Variants in EIF4G3 observed in about 807,000 individuals in gnomAD.
The protein encoded by EIF4G3 is eIF-4-gamma 3.
A neutral mutation model predicts 186.4 loss-of-function variants in EIF4G3; 34 were observed. That is an observed-to-expected ratio of 0.18 (90% CI 0.14 to 0.24). The LOEUF (loss-of-function observed/expected upper bound fraction) is 0.24. Ranked by LOEUF, EIF4G3 falls within the 10% of genes least tolerant of loss-of-function variation. EIF4G3 has a pLI of 1.00. For missense variants in EIF4G3, 1,536 were observed against 1,948.5 expected, an observed-to-expected ratio of 0.79 and a Z score of 3.99; for synonymous variants, 673 against 679.5, an observed-to-expected ratio of 0.99 and a Z score of 0.15.
chr1:20,837,302 T>C (rs1189648551), intron 30 of EIF4G3, among the ~76,000 whole-genome samples: 1 of 152,046 alleles, frequency 6.6e-6, no homozygotes, highest in Non-Finnish European at 1.5e-5. Context: ...GACTCCCTGG[T>C]TCAAGCAATT....
chr1:21,164,689 G>A (rs543475065), intron 2 of EIF4G3, among the ~76,000 whole-genome samples: 19 of 152,140 alleles, frequency 1.2e-4, no homozygotes, highest in Admixed American at 6.5e-4. Flanking sequence ...GTGAAATCCC[G>A]TCTCTACAAA....
intron 12 of EIF4G3, among the ~76,000 whole-genome samples, chr1:20,958,248 G>T (rs1425330919): frequency 6.6e-6 from 1 of 152,112 alleles, no homozygotes; most frequent in Non-Finnish European, 1.5e-5. Context: ...TTTAACATAT[G>T]TAAGTCAATA....
chr1:20,880,101 CA>C (rs914665529), intron 19 of EIF4G3, among the ~76,000 whole-genome samples: 2 of 151,020 alleles, frequency 1.3e-5, no homozygotes, highest in African/African-American at 4.9e-5. Context: ...AGGTGAAAGG[CA>C]AAATGATTTT....
intron 30 of EIF4G3, among the ~76,000 whole-genome samples, chr1:20,834,857 G>C (rs1307264296): frequency 6.6e-6 from 1 of 152,152 alleles, no homozygotes; most frequent in Non-Finnish European, 1.5e-5. Flanking sequence ...GAAACATTGG[G>C]CTTGAATTAT....
rs745713673 is a variant in EIF4G3, at chr1:21,082,287, C to T, written c.-196+6851G>A. Among the ~76,000 whole-genome samples the T allele has an allele frequency of 5.9e-5, 9 of 151,428 alleles. No individual in the cohort carries two copies. The South Asian group carries it at 1.9e-3, about 32-fold the overall frequency. ...GACATATGGACACCATATGCTAAGG[C>T]AGTAGGAGGTGAACTGAGGGTTAAC... On this transcript the variant is annotated intron_variant, in intron 3 of 36. Coordinates refer to ENST00000602326, the MANE Select transcript of EIF4G3 (RefSeq NM_001391906.1).
At chr1:21,081,325 C>T (rs922323753) in intron 3 of EIF4G3, among the ~76,000 whole-genome samples, 6 of 152,138 alleles carry the variant, frequency 3.9e-5, no homozygotes, top group Admixed American at 1.3e-4. Context: ...CCCAGCTACT[C>T]GGGAAGCTGA....
chr1:21,014,031 A>G (rs2088041936), intron 4 of EIF4G3, among the ~76,000 whole-genome samples: 1 of 152,106 alleles, frequency 6.6e-6, no homozygotes, highest in Non-Finnish European at 1.5e-5. Flanking sequence ...TTAGCTGGGC[A>G]TGGTGGTGGG....
At position 20,880,283 on chromosome 1, in the gene EIF4G3, A is replaced by G. The variant is rs189568526; in HGVS notation, c.2425-763T>C. On this transcript the variant is annotated intron_variant, in intron 19 of 36. Coordinates refer to ENST00000602326, the MANE Select transcript of EIF4G3 (RefSeq NM_001391906.1). ...GCAGAGAAGATATAATTGTCTACAT[A>G]GACAATCATAAGGAATCTGCAAAAA... 6.2e-3 allele frequency among the ~76,000 whole-genome samples: 938 copies of G among 152,354 alleles called. 8 individuals carry two copies. The highest frequency in any genetic ancestry group is 0.022 in the African/African-American group (904 of 41,578).
Position 20,879,305 on chromosome 1 carries a change from T to A in EIF4G3, c.2622+18A>T. The A allele has an allele frequency of 1.3e-6, 2 of 1,559,456 alleles. No homozygotes were observed. Among genetic ancestry groups the A allele is most frequent in the East Asian group, 2.4e-5 (1 of 42,400 alleles). On this transcript the variant is annotated intron_variant, in intron 20 of 36. Coordinates refer to ENST00000602326, the MANE Select transcript of EIF4G3 (RefSeq NM_001391906.1). ...ACCTCTTGAAGATTTCTCGTTTTACTCCTTCCTCTCTTCTTACCGTTACTA... is the reference window on the plus strand; with the variant it reads ...ACCTCTTGAAGATTTCTCGTTTTACACCTTCCTCTCTTCTTACCGTTACTA...
At chr1:20,945,886 T>C (rs770900553) in intron 13 of EIF4G3, among the ~76,000 whole-genome samples, 15 of 152,220 alleles carry the variant, frequency 9.9e-5, no homozygotes, top group Non-Finnish European at 1.6e-4. Flanking sequence ...CATATGTGCA[T>C]AGGGGAAAGT....
intron 4 of EIF4G3, among the ~76,000 whole-genome samples, chr1:21,031,181 C>T (rs2092707503): frequency 1.3e-5 from 2 of 150,376 alleles, no homozygotes; most frequent in South Asian, 4.2e-4. Flanking sequence ...GTGAGACTGT[C>T]TCAAAAAAAA....
intron 3 of EIF4G3, among the ~76,000 whole-genome samples, chr1:21,059,694 G>A (rs758821096): frequency 2.0e-5 from 3 of 152,136 alleles, no homozygotes; most frequent in African/African-American, 7.2e-5. Flanking sequence ...TATGATTCAA[G>A]TAATACTTAA....
At chr1:20,851,573 T>C (rs546549985) in intron 27 of EIF4G3, 95 bp from the exon 28 acceptor site, 24 of 1,209,618 alleles carry the variant, frequency 2.0e-5, no homozygotes, top group Admixed American at 1.3e-4. Flanking sequence ...TCTGAAAGTA[T>C]ACAGAATTTT....
At chr1:21,074,341 C>G (rs902216791) in intron 3 of EIF4G3, among the ~76,000 whole-genome samples, 1 of 152,154 alleles carries the variant, frequency 6.6e-6, no homozygotes, top group Non-Finnish European at 1.5e-5. Context: ...TGGGGGTAAA[C>G]TCACCTCCAG....
Position 20,941,726 on chromosome 1 carries a change from A to C in EIF4G3, c.1428T>G (p.Thr476=). The change falls in exon 14 of 37, where the codon ACT becomes ACG. Residue 476 remains threonine, a synonymous_variant. Transcript: ENST00000602326. Reference sequence around the variant, plus strand: ...GAGTGTGAGGAGGAGAAGCTGGAGGAGTTGGAGGAGTTGGAGGAAAGGAAG... The same window carrying C: ...GAGTGTGAGGAGGAGAAGCTGGAGGCGTTGGAGGAGTTGGAGGAAAGGAAG... The part of the protein sequence containing the change: ...TVPSFPPTPP[T]PPASPPHTPV... 1 of 1,610,168 alleles carries C rather than the reference A, an allele frequency of 6.2e-7. No homozygotes were observed. The highest frequency in any genetic ancestry group is 1.1e-5 in the South Asian group (1 of 90,438).
intron 19 of EIF4G3, among the ~76,000 whole-genome samples, chr1:20,882,176 T>TACACACACACACACACACAC (rs138208807): frequency 1.3e-4 from 11 of 87,028 alleles, no homozygotes; most frequent in South Asian, 3.6e-4. Context: ...AAAGAAAAAT[T>TACACACACACACACACACAC]ACACACACAC....
rs2103130002 is a variant in EIF4G3 at position 21,176,261 on chromosome 1, CG to C, written c.-359del. ...CCGCCGCCGCCGCCGCCGCCGCCGC[CG>C]CCGCTGCTGCCGCCGCCGGGTGAGG... On this transcript the variant is annotated 5_prime_UTR_variant, in exon 2 of 37. Transcript: ENST00000602326. 1 of 369,832 alleles carries C rather than the reference CG, an allele frequency of 2.7e-6. No individual in the cohort carries two copies. Among genetic ancestry groups the C allele is most frequent in the African/African-American group, 2.2e-5 (1 of 45,932 alleles). 22.9% of individuals were successfully genotyped at this position (369,832 alleles called of 1,614,324 possible).
chr1:21,095,363 G>A (rs2096338026), intron 2 of EIF4G3, among the ~76,000 whole-genome samples: 1 of 152,092 alleles, frequency 6.6e-6, no homozygotes, highest in Non-Finnish European at 1.5e-5. Context: ...GTTTTGTTTT[G>A]GAGTACAGTG....
chr1:20,856,119 CTG>C (rs1048021078), intron 25 of EIF4G3, among the ~76,000 whole-genome samples: 48 of 152,216 alleles, frequency 3.2e-4, no homozygotes, highest in African/African-American at 1.1e-3. Flanking sequence ...AATTCCTACT[CTG>C]AGATATAAAC....
Sources: allele counts gnomAD v4.1 joint callset (sites outside exome capture counted in the v4.1 genomes callset), GRCh38; gene constraint gnomAD v4.1.1; transcripts MANE v1.5; gene names NCBI Gene and HGNC (gene_info 2026-07-23, HGNC 2026-07-21).